The following RUNX1T1 variants were observed in gnomAD, a reference collection of about 807,000 sequenced individuals.
RUNX1T1 encodes the protein RUNX1 partner transcriptional co-repressor 1.
In RUNX1T1, 4 loss-of-function variants were observed where a neutral mutation model predicts 62.8. That is an observed-to-expected ratio of 0.06 (90% CI 0.03 to 0.15). The LOEUF is 0.15. RUNX1T1 is among the 10% of genes least tolerant of loss of function. The pLI, the probability that RUNX1T1 is intolerant of heterozygous loss-of-function variation, is 1.00. For missense variants in RUNX1T1, 508 were observed against 754.3 expected (o/e 0.67, Z 3.82); for synonymous variants, 291 against 286.0 (o/e 1.02, Z -0.18).
At chr8:92,016,398 C>T (rs1006579997) in intron 2 of RUNX1T1, among the ~76,000 whole-genome samples, 2 of 152,114 alleles carry the variant, frequency 1.3e-5, no homozygotes, top group Non-Finnish European at 1.5e-5. Context: ...AAGACACGAC[C>T]GGGTGCGGTG....
intron 1 of RUNX1T1, among the ~76,000 whole-genome samples, chr8:92,060,553 A>ATATATATGTGTGTGTGTG: frequency 2.7e-4 from 17 of 63,936 alleles, no homozygotes; most frequent in African/African-American, 8.1e-4. Flanking sequence ...ATATATATAT[A>ATATATATGTGTGTGTGTG]TGTGTGTGTG....
chr8:92,042,974 G>A (rs564145305), intron 1 of RUNX1T1, among the ~76,000 whole-genome samples: 1 of 152,240 alleles, frequency 6.6e-6, no homozygotes, highest in South Asian at 2.1e-4. Context: ...AAGCATGTGA[G>A]CTTTCTCACA....
intron 5 of RUNX1T1, among the ~76,000 whole-genome samples, chr8:91,993,251 TCAA>T (rs1200494601): frequency 1.1e-4 from 17 of 152,234 alleles, no homozygotes; most frequent in South Asian, 8.3e-4. Context: ...GGAAACTGAA[TCAA>T]CAACAGAGAT....
intron 1 of RUNX1T1, among the ~76,000 whole-genome samples, chr8:92,035,596 A>G (rs192566008): frequency 9.1e-4 from 138 of 152,262 alleles, no homozygotes; most frequent in African/African-American, 3.2e-3. Context: ...TTTCATATTT[A>G]TCATTTCTTA....
chr8:91,985,746 C>T (rs1418536184), intron 8 of RUNX1T1, among the ~76,000 whole-genome samples: 12 of 152,128 alleles, frequency 7.9e-5, no homozygotes, highest in Admixed American at 7.9e-4. Context: ...CATTGGTATG[C>T]AGTGGCAGAA....
chr8:92,083,029 T>C (rs1369816477), intron 1 of RUNX1T1, among the ~76,000 whole-genome samples: 1 of 152,150 alleles, frequency 6.6e-6, no homozygotes, highest in African/African-American at 2.4e-5. Flanking sequence ...TCAAAGAAAT[T>C]GTTCGATCTC....
At chr8:92,103,318 T>C (rs1808470290), upstream of RUNX1T1, 1 of 200,056 alleles carries the variant, frequency 5.0e-6, no homozygotes, top group Non-Finnish European at 1.0e-5. Flanking sequence ...CGCATTTATC[T>C]GCAGGGCGGC....
chr8:92,023,220 C>T (rs1288318140), intron 1 of RUNX1T1, among the ~76,000 whole-genome samples: 1 of 151,996 alleles, frequency 6.6e-6, no homozygotes, highest in African/African-American at 2.4e-5. Context: ...TAATTACTTC[C>T]CTTCACTTTT....
exon 6 of RUNX1T1, chr8:91,991,818 C>T (rs1417329421): frequency 6.2e-7 from 1 of 1,614,056 alleles, no homozygotes; most frequent in Admixed American, 1.7e-5. Context: ...CTGGCCTGGG[C>T]TAATAGTGCA....
Position 91,997,553 on chromosome 8 carries a change from C to T in RUNX1T1, c.660-5664G>A, listed in dbSNP as rs1586900499. ...CAGACATTTCACAAGTCCAAACTGG[C>T]CTCATTTCTCTTTTGCTTTCTGTAC... is the stretch of plus-strand genomic sequence containing the variant. On this transcript the variant is annotated intron_variant, in intron 5 of 10. Transcript: ENST00000396218. Among the ~76,000 whole-genome samples, 6 of 152,264 alleles carry T rather than the reference C, an allele frequency of 3.9e-5. 1 individual carries two copies. The highest frequency in any genetic ancestry group is 3.9e-4 in the Admixed American group (6 of 15,290).
chr8:92,040,721 C>A (rs1180531309), intron 1 of RUNX1T1, among the ~76,000 whole-genome samples: 4 of 152,234 alleles, frequency 2.6e-5, no homozygotes, highest in Non-Finnish European at 5.9e-5. Context: ...GGGTGAAATA[C>A]AATTACTGCT....
At chr8:92,042,620 T>C (rs1828671299) in intron 1 of RUNX1T1, among the ~76,000 whole-genome samples, 2 of 152,220 alleles carry the variant, frequency 1.3e-5, no homozygotes, top group Non-Finnish European at 2.9e-5. Context: ...GCCCACCCAC[T>C]TGATCTGCTT....
At chr8:92,071,888 T>C (rs756500824) in intron 2 of RUNX1T1, among the ~76,000 whole-genome samples, 1 of 152,174 alleles carries the variant, frequency 6.6e-6, no homozygotes, top group Non-Finnish European at 1.5e-5. Flanking sequence ...CTCTCTCTCA[T>C]TTCCTTCTCC....
intron 1 of RUNX1T1, among the ~76,000 whole-genome samples, chr8:92,048,781 G>A (rs1025564817): frequency 2.0e-5 from 3 of 152,024 alleles, no homozygotes; most frequent in Non-Finnish European, 2.9e-5. Flanking sequence ...AAACATGTGA[G>A]AGAAATGGTC....
At chr8:92,063,861 A>G (rs1832455752), upstream of RUNX1T1, among the ~76,000 whole-genome samples, 1 of 152,164 alleles carries the variant, frequency 6.6e-6, no homozygotes, top group African/African-American at 2.4e-5. Flanking sequence ...CATCGTATGC[A>G]CAATCCACTA....
chr8:92,055,636 G>T (rs1003134528), intron 1 of RUNX1T1, among the ~76,000 whole-genome samples: 2 of 152,046 alleles, frequency 1.3e-5, no homozygotes, highest in African/African-American at 4.8e-5. Flanking sequence ...GCAAACACTG[G>T]TATATAAAGA....
chr8:92,062,028 T>C (rs1208851977), intron 1 of RUNX1T1, among the ~76,000 whole-genome samples: 4 of 152,226 alleles, frequency 2.6e-5, no homozygotes, highest in African/African-American at 9.6e-5. Flanking sequence ...TTCAATTATT[T>C]GTCTGATGAC....
At chr8:92,051,750 T>C (rs1830287179) in intron 1 of RUNX1T1, among the ~76,000 whole-genome samples, 2 of 152,170 alleles carry the variant, frequency 1.3e-5, no homozygotes, top group African/African-American at 2.4e-5. Context: ...TCAATTGGTA[T>C]GCAAGGGATG....
At chr8:91,994,477 C>G (rs1001225117) in intron 5 of RUNX1T1, 2 of 366,712 alleles carry the variant, frequency 5.5e-6, no homozygotes, top group African/African-American at 4.2e-5. Flanking sequence ...AATGCTAACA[C>G]AGCACCTACC....
Sources: allele counts gnomAD v4.1 joint callset (sites outside exome capture counted in the v4.1 genomes callset), GRCh38; gene constraint gnomAD v4.1.1; transcripts MANE v1.5; gene names NCBI Gene and HGNC (gene_info 2026-07-23, HGNC 2026-07-21).